PNPT1: variants seen among roughly 807,000 people sequenced by gnomAD.
PNPT1 encodes polyribonucleotide nucleotidyltransferase 1, mitochondrial.
Under a neutral mutation model 119.5 loss-of-function variants are expected in PNPT1, and 53 were observed. The observed-to-expected ratio is 0.44, with a 90% CI of 0.36 to 0.56. The LOEUF (loss-of-function observed/expected upper bound fraction) is 0.56, where lower values mean the gene tolerates loss of function less well. PNPT1 is among the 20% of genes least tolerant of loss of function. The pLI is 0.00. For synonymous variants in PNPT1, 357 were observed against 322.1 expected, an observed-to-expected ratio of 1.11 and a Z score of -1.16; for missense variants, 948 against 938.5, an observed-to-expected ratio of 1.01 and a Z score of -0.13.
chr2:55,643,248 G>A (rs963149677), intron 24 of PNPT1, 35 bp from the exon 25 acceptor site: 20 of 1,613,720 alleles, frequency 1.2e-5, no homozygotes, highest in African/African-American at 5.3e-5. Context: ...GATTCATAAA[G>A]AAAACATCAA....
At chr2:55,662,757 T>C (rs1284023052) in intron 13 of PNPT1, among the ~76,000 whole-genome samples, 2 of 152,218 alleles carry the variant, frequency 1.3e-5, no homozygotes, top group East Asian at 3.9e-4. Flanking sequence ...CTACAATGTA[T>C]CATTCACAAC....
intron 13 of PNPT1, among the ~76,000 whole-genome samples, chr2:55,665,255 C>A (rs1696698439): frequency 1.3e-5 from 2 of 152,196 alleles, no homozygotes; most frequent in Admixed American, 6.5e-5. Context: ...TCCTTTCATA[C>A]AACGTGTAGG....
At chr2:55,662,134 TC>T (rs1696598294) in intron 13 of PNPT1, 108 bp from the exon 14 acceptor site, 2 of 902,100 alleles carry the variant, frequency 2.2e-6, no homozygotes, top group Non-Finnish European at 3.1e-6. Context: ...GATAAGTACA[TC>T]CTACACAAAG....
At chr2:55,690,050 G>A (rs1234767923) in intron 1 of PNPT1, among the ~76,000 whole-genome samples, 2 of 152,048 alleles carry the variant, frequency 1.3e-5, no homozygotes, top group African/African-American at 4.8e-5. Context: ...TCAAACTCCT[G>A]GACTCAAGCA....
At chr2:55,638,995 C>T (rs749262047) in intron 26 of PNPT1, among the ~76,000 whole-genome samples, 12 of 152,126 alleles carry the variant, frequency 7.9e-5, no homozygotes, top group Non-Finnish European at 1.6e-4. Context: ...ATGCTGGTCT[C>T]AAACTCCTGA....
chr2:55,649,746 G>A (rs1696112912), intron 18 of PNPT1, among the ~76,000 whole-genome samples: 1 of 152,118 alleles, frequency 6.6e-6, no homozygotes, highest in Non-Finnish European at 1.5e-5. Flanking sequence ...ATATTCTGTG[G>A]TCAAATAAAT....
At position 55,672,985 on chromosome 2, in the gene PNPT1, G is replaced by A. The variant is rs748574474; in HGVS notation, c.774C>T (p.Gly258=). ...GVKYTQQIIQ[G]IQQLVKETGV... The stretch of plus-strand genomic sequence containing the variant: ...CAGTTTCTTTTACCAACTGCTGAAT[G>A]CCCTGAATTATTTGTTGGGTATATT... The change falls in exon 9 of 28, where the codon GGC becomes GGT. Residue 258 remains glycine, a synonymous_variant. Transcript: ENST00000447944. The A allele has an allele frequency of 1.2e-6, 2 of 1,613,334 alleles. No homozygotes were observed. Among genetic ancestry groups the A allele is most frequent in the Non-Finnish European group, 1.7e-6 (2 of 1,179,766 alleles).
intron 18 of PNPT1, among the ~76,000 whole-genome samples, chr2:55,650,362 C>A (rs1696136580): frequency 6.6e-6 from 1 of 152,206 alleles, no homozygotes; most frequent in Admixed American, 6.5e-5. Context: ...CTGGGCTGGT[C>A]TCCAGCTCCT....
chr2:55,688,851 G>A (rs1476534150), intron 1 of PNPT1, among the ~76,000 whole-genome samples: 1 of 152,158 alleles, frequency 6.6e-6, no homozygotes, highest in Non-Finnish European at 1.5e-5. Flanking sequence ...ATGTTCAACA[G>A]AAGGGGAAAG....
intron 25 of PNPT1, among the ~76,000 whole-genome samples, chr2:55,642,772 ATT>A (rs1695874700): frequency 6.6e-6 from 1 of 152,082 alleles, no homozygotes; most frequent in Non-Finnish European, 1.5e-5. Context: ...ACACCTTATG[ATT>A]TCAAAGTAAA....
chr2:55,693,589 T>G, intron 1 of PNPT1, 74 bp downstream of exon 1: 2 of 1,577,606 alleles, frequency 1.3e-6, no homozygotes, highest in Non-Finnish European at 8.7e-7. Context: ...GTTTCTACCC[T>G]GGGAGATGAA....
chr2:55,672,885 G>T lies in PNPT1; in HGVS notation c.866+8C>A, dbSNP rs377218810. On this transcript the variant is annotated splice_region_variant and intron_variant, in intron 9 of 27. Transcript: ENST00000447944. Reference sequence around the variant, plus strand: ...ATTTCATATTTTCATTTGCACAGATGTTCTTACTTATGAGTATATTTCACA... The same window carrying T: ...ATTTCATATTTTCATTTGCACAGATTTTCTTACTTATGAGTATATTTCACA... 6.3e-7 allele frequency: 1 copy of T among 1,579,172 alleles called. No homozygotes were observed. The highest frequency in any genetic ancestry group is 1.4e-5 in the African/African-American group (1 of 72,756).
rs1697455335 is a variant in PNPT1 at position 55,687,666 on chromosome 2, T to A, written c.201A>T (p.Ala67=). 1 of 1,598,926 alleles carries A rather than the reference T, an allele frequency of 6.3e-7. No individual in the cohort carries two copies. The highest frequency in any genetic ancestry group is 1.1e-5 in the South Asian group (1 of 87,434). ...EISSGKLARF[A]DGSAVVQSGD... ...TTACCTGTACTACAGCAGAGCCATC[T>A]GCAAATCTGGCCAGCTTTCCAGAAG... is the stretch of plus-strand genomic sequence containing the variant. The change falls in exon 2 of 28, where the codon GCA becomes GCT. Residue 67 remains alanine (A), a synonymous_variant. Coordinates refer to ENST00000447944, the MANE Select transcript of PNPT1 (RefSeq NM_033109.5).
intron 13 of PNPT1, 152 bp from the exon 14 acceptor site, chr2:55,662,178 T>C: frequency 1.7e-6 from 1 of 586,410 alleles, no homozygotes; most frequent in Non-Finnish European, 2.8e-6. Flanking sequence ...TAAACACTTA[T>C]TTATTCTATA....
chr2:55,686,358 G>A lies in PNPT1; in HGVS notation c.297+12C>T. The A allele has an allele frequency of 6.3e-7, 1 of 1,597,728 alleles. No homozygotes were observed. Among genetic ancestry groups the A allele is most frequent in the Non-Finnish European group, 8.6e-7 (1 of 1,165,346 alleles). On this transcript the variant is annotated intron_variant, in intron 3 of 27. Coordinates refer to ENST00000447944, the MANE Select transcript of PNPT1 (RefSeq NM_033109.5). ...ACCATATTACAGTTCAGATAAATCA[G>A]CAAATACTTACCACCAAAGGCATAA...
chr2:55,638,194 T>C (rs368173750), intron 26 of PNPT1, among the ~76,000 whole-genome samples: 37 of 150,156 alleles, frequency 2.5e-4, no homozygotes, highest in African/African-American at 8.6e-4. Flanking sequence ...CCCAGCTACT[T>C]GGGAGGCTGA....
intron 15 of PNPT1, among the ~76,000 whole-genome samples, chr2:55,657,378 A>C (rs1559096010): frequency 6.7e-6 from 1 of 149,106 alleles, no homozygotes; most frequent in African/African-American, 2.5e-5. Context: ...ATTAACAAGA[A>C]TTTTTTTTTT....
intron 5 of PNPT1, among the ~76,000 whole-genome samples, chr2:55,682,717 G>A (rs1480132489): frequency 6.6e-6 from 1 of 152,084 alleles, no homozygotes; most frequent in African/African-American, 2.4e-5. Context: ...AGACCAGCCT[G>A]GCTTACATAG....
chr2:55,685,058 C>T lies in PNPT1; in HGVS notation c.298-10G>A, dbSNP rs376098570. 1 of 1,555,706 alleles carries T rather than the reference C, an allele frequency of 6.4e-7. No homozygotes were observed. Among genetic ancestry groups the T allele is most frequent in the Admixed American group, 1.9e-5 (1 of 52,436 alleles). On this transcript the variant is annotated splice_polypyrimidine_tract_variant and intron_variant, in intron 3 of 27. Transcript: ENST00000447944. ...TTTGTCTGTAGTCAACCTGAAGCAG[C>T]AATAAAAAAAAGTTCATATAATTCT...
Sources: gnomAD v4.1 joint callset for allele counts (sites outside exome capture counted in the v4.1 genomes callset) on GRCh38, gnomAD v4.1.1 for gene constraint, MANE v1.5 for transcripts, NCBI Gene and HGNC (gene_info 2026-07-23, HGNC 2026-07-21) for gene names.